CBFA2T2: variants seen among roughly 807,000 people sequenced by gnomAD.
CBFA2T2 encodes the protein CBFA2/RUNX1 partner transcriptional co-repressor 2.
CBFA2T2 carries 11 observed loss-of-function variants against 62.2 expected under a neutral mutation model. That is an observed-to-expected ratio of 0.18 (90% CI 0.11 to 0.29). The LOEUF (loss-of-function observed/expected upper bound fraction) is 0.29. Ranked by LOEUF, CBFA2T2 falls within the 10% of genes least tolerant of loss-of-function variation. The probability of loss-of-function intolerance (pLI) is 1.00; values close to 1 mark genes in which losing one functional copy is unlikely to be tolerated. For missense variants in CBFA2T2, 592 were observed against 774.1 expected (o/e 0.76, Z 2.79); for synonymous variants, 295 against 287.5 (o/e 1.03, Z -0.27).
At chr20:33,530,212 A>G (rs533617549) in intron 1 of CBFA2T2, among the ~76,000 whole-genome samples, 1 of 152,162 alleles carries the variant, frequency 6.6e-6, no homozygotes, top group East Asian at 1.9e-4. Flanking sequence ...GGCATGAGCT[A>G]TCACACCCAG....
chr20:33,629,612 C>T lies in CBFA2T2; in HGVS notation c.1033-107C>T. On this transcript the variant is annotated intron_variant, in intron 7 of 10. Transcript: ENST00000342704. ...AAATGTAAACTTGATATTCCTAAAT[C>T]TGTACTTTAAGGAACCTGAATTCCT... 3.0e-6 allele frequency: 3 copies of T among 994,674 alleles called. No individual in the cohort carries two copies. In the East Asian group the frequency reaches 7.3e-5, roughly 24 times the overall value. The allele number at this position is 994,674 out of a possible 1,614,324, so 61.6% of individuals were successfully genotyped here. A position where few individuals can be genotyped will look rare whatever the true frequency, so the allele number is the denominator to read the frequency against.
Position 33,643,825 on chromosome 20 carries a change from A to ATGTGTGTG in CBFA2T2, c.1489-494_1489-487dup, listed in dbSNP as rs58366038. On this transcript the variant is annotated intron_variant, in intron 10 of 10. Coordinates refer to ENST00000342704, the MANE Select transcript of CBFA2T2 (RefSeq NM_001032999.3). ...TATATATATATATATATAGTATATAATGTGTGTGTGTGTGTGTGTGTGTGT... is the reference window on the plus strand; with the variant it reads ...TATATATATATATATATAGTATATAATGTGTGTGTGTGTGTGTGTGTGTGTGTGTGTGT... 9.7e-4 allele frequency among the ~76,000 whole-genome samples: 71 copies of ATGTGTGTG among 73,348 alleles called. 1 individual carries two copies. The highest frequency in any genetic ancestry group is 7.8e-3 in the Middle Eastern group (1 of 128). 48.1% of individuals were successfully genotyped at this position (73,348 alleles called of 152,430 possible). A position where few individuals can be genotyped will look rare whatever the true frequency, so the allele number is the denominator to read the frequency against.
intron 1 of CBFA2T2, among the ~76,000 whole-genome samples, chr20:33,583,023 T>C (rs1439090421): frequency 6.6e-6 from 1 of 152,182 alleles, no homozygotes; most frequent in East Asian, 1.9e-4. Flanking sequence ...TTTTTTCTTA[T>C]ACATGTGCAT....
chr20:33,541,017 A>G (rs1471622942), intron 1 of CBFA2T2, among the ~76,000 whole-genome samples: 1 of 152,188 alleles, frequency 6.6e-6, no homozygotes. Flanking sequence ...ACATTCCTTG[A>G]GAGGTAAAGT....
intron 1 of CBFA2T2, among the ~76,000 whole-genome samples, chr20:33,576,864 C>T (rs554510087): frequency 6.6e-6 from 1 of 152,346 alleles, no homozygotes; most frequent in East Asian, 1.9e-4. Context: ...TAAGTGTGCT[C>T]CATCTCTGGG....
chr20:33,592,396 A>G (rs1336123016), intron 1 of CBFA2T2, among the ~76,000 whole-genome samples: 2 of 146,444 alleles, frequency 1.4e-5, no homozygotes, highest in African/African-American at 2.5e-5. Flanking sequence ...ATATATAATT[A>G]TGTAAAAATT....
chr20:33,584,055 C>G (rs1352588481), intron 1 of CBFA2T2, among the ~76,000 whole-genome samples: 1 of 152,076 alleles, frequency 6.6e-6, no homozygotes, highest in African/African-American at 2.4e-5. Context: ...TCAAGTGATT[C>G]TCCTTCCTCA....
intron 1 of CBFA2T2, among the ~76,000 whole-genome samples, chr20:33,496,709 C>CACTT (rs1229615328): frequency 6.6e-6 from 1 of 152,134 alleles, no homozygotes; most frequent in African/African-American, 2.4e-5. Flanking sequence ...CCTTATCTGG[C>CACTT]ACTTATCCAT....
chr20:33,579,119 T>TG (rs1220019601), intron 1 of CBFA2T2, among the ~76,000 whole-genome samples: 2 of 151,156 alleles, frequency 1.3e-5, no homozygotes, highest in Non-Finnish European at 2.9e-5. Context: ...TTTTTTGTTT[T>TG]TTTTTTTTTT....
At chr20:33,492,415 TAAAA>T (rs199700102) in intron 1 of CBFA2T2, among the ~76,000 whole-genome samples, 1 of 146,302 alleles carries the variant, frequency 6.8e-6, no homozygotes, top group Non-Finnish European at 1.5e-5. Flanking sequence ...TGCTTTCACT[TAAAA>T]AAAAAAGATT....
chr20:33,529,081 A>G (rs1448739896), intron 1 of CBFA2T2, among the ~76,000 whole-genome samples: 1 of 152,102 alleles, frequency 6.6e-6, no homozygotes, highest in African/African-American at 2.4e-5. Flanking sequence ...GCTGGAGTGC[A>G]GTGGCGCAAT....
rs1207855906 is a variant in CBFA2T2 at position 33,510,080 on chromosome 20, C to T, written c.34+19779C>T. 3.3e-5 allele frequency among the ~76,000 whole-genome samples: 5 copies of T among 151,976 alleles called. 1 individual carries two copies. Among genetic ancestry groups the T allele is most frequent in the Non-Finnish European group, 7.4e-5 (5 of 68,004 alleles). On this transcript the variant is annotated intron_variant, in intron 1 of 10. Transcript: ENST00000342704. Reference sequence around the variant, plus strand: ...GTGAGAACATGCGGTGTTTGGTTTTCTGTCCTTGTGATAGTTTGCTCAGAA... The same window carrying T: ...GTGAGAACATGCGGTGTTTGGTTTTTTGTCCTTGTGATAGTTTGCTCAGAA...
intron 10 of CBFA2T2, 33 bp downstream of exon 10, chr20:33,640,564 G>A (rs1352460212): frequency 6.2e-7 from 1 of 1,604,646 alleles, no homozygotes. Context: ...GCTGGGGTGA[G>A]CAGCTGGAGT....
At position 33,649,658 on chromosome 20, in the gene CBFA2T2, G is replaced by A. The variant is rs1055977871; in HGVS notation, c.*5012G>A. 6.6e-6 allele frequency: 1 copy of A among 152,322 alleles called. No individual in the cohort carries two copies. The highest frequency in any genetic ancestry group is 2.4e-5 in the African/African-American group (1 of 41,474). The allele number at this position is 152,322 out of a possible 1,614,324, so 9.4% of individuals were successfully genotyped here. A position where few individuals can be genotyped will look rare whatever the true frequency, so the allele number is the denominator to read the frequency against. On this transcript the variant is annotated 3_prime_UTR_variant, in exon 11 of 11. Coordinates refer to ENST00000342704, the MANE Select transcript of CBFA2T2 (RefSeq NM_001032999.3). ...CCATCCCTACCTTGGAGTCGGCAGA[G>A]AAGCAGCAATAAGCATTAGGCGAAT...
intron 1 of CBFA2T2, among the ~76,000 whole-genome samples, chr20:33,568,984 A>G (rs1462793363): frequency 6.6e-6 from 1 of 152,222 alleles, no homozygotes; most frequent in South Asian, 2.1e-4. Flanking sequence ...TATTAAATGT[A>G]GAAACACCAG....
chr20:33,607,012 C>T lies in CBFA2T2; in HGVS notation c.91C>T (p.Gln31Ter). The part of the protein sequence containing the change: ...MPGSPVEVKI[Q>*]SRSSPPTMPP... ...TGGATCGCCTGTGGAAGTGAAGATA[C>T]AGTCCAGATCCTCACCTCCCACCAT... The change falls in exon 2 of 11, where the codon CAG (glutamine) becomes TAG (stop). Residue 31 changes from glutamine to a stop codon, truncating the protein, a stop_gained. Transcript: ENST00000342704. LOFTEE classifies it high-confidence loss of function. 6.2e-7 allele frequency: 1 copy of T among 1,613,766 alleles called. No individual in the cohort carries two copies. The highest frequency in any genetic ancestry group is 1.1e-5 in the South Asian group (1 of 91,046).
intron 1 of CBFA2T2, among the ~76,000 whole-genome samples, chr20:33,494,201 C>A (rs1414714452): frequency 8.9e-6 from 1 of 111,952 alleles, no homozygotes; most frequent in African/African-American, 3.5e-5. Flanking sequence ...TTTTAAATGG[C>A]GATTATAGTG....
Position 33,490,250 on chromosome 20 carries a change from CG to C in CBFA2T2, c.-16del. 1.6e-6 allele frequency: 2 copies of C among 1,234,354 alleles called. No homozygotes were observed. The highest frequency in any genetic ancestry group is 3.8e-5 in the South Asian group (1 of 26,350). The allele number at this position is 1,234,354 out of a possible 1,614,324, so 76.5% of individuals were successfully genotyped here. ...GTCGCGGGTAGAGGCGGGCGGCGCG[CG>C]GCGGCGGCGCTCGGCGATGGTAGGC... On this transcript the variant is annotated 5_prime_UTR_variant, in exon 1 of 11. Transcript: ENST00000342704.
intron 1 of CBFA2T2, among the ~76,000 whole-genome samples, chr20:33,505,232 A>G (rs557860700): frequency 2.4e-4 from 36 of 152,290 alleles, no homozygotes; most frequent in African/African-American, 6.7e-4. Flanking sequence ...AGAGGAAGAT[A>G]TGGGTGTCAT....
Sources: allele counts gnomAD v4.1 joint callset (sites outside exome capture counted in the v4.1 genomes callset), GRCh38; gene constraint gnomAD v4.1.1; transcripts MANE v1.5; gene names NCBI Gene and HGNC (gene_info 2026-07-23, HGNC 2026-07-21).